ATP2A3: variants seen among roughly 807,000 people sequenced by gnomAD.
ATP2A3 encodes the protein ATPase sarcoplasmic/endoplasmic reticulum Ca2+ transporting 3, also known as sarcoplasmic/endoplasmic reticulum calcium ATPase 3.
A neutral mutation model predicts 106.8 loss-of-function variants in ATP2A3; 61 were observed. The ratio of observed to expected loss-of-function variants is 0.57; its 90% CI spans 0.46 to 0.71. The LOEUF (loss-of-function observed/expected upper bound fraction) is 0.71, where lower values mean the gene tolerates loss of function less well. ATP2A3 is among the 30% of genes least tolerant of loss of function. The probability of loss-of-function intolerance (pLI) is 0.00; values close to 1 mark genes in which losing one functional copy is unlikely to be tolerated. For synonymous variants in ATP2A3, 611 were observed against 609.3 expected (o/e 1.00, Z -0.04); for missense variants, 1,201 against 1,423.5 (o/e 0.84, Z 2.52).
At chr17:3,954,570 C>G (rs2054654720) in intron 1 of ATP2A3, among the ~76,000 whole-genome samples, 1 of 150,654 alleles carries the variant, frequency 6.6e-6, no homozygotes, top group African/African-American at 2.4e-5. Context: ...AATCTTGGCT[C>G]ACTGCAACCT....
In ATP2A3 at chr17:3,925,577, T is replaced by A; in HGVS notation, c.2981-136A>T. The A allele has an allele frequency of 8.9e-7, 1 of 1,122,876 alleles. No individual in the cohort carries two copies. Among genetic ancestry groups the A allele is most frequent in the Non-Finnish European group, 1.3e-6 (1 of 771,026 alleles). The allele number at this position is 1,122,876 out of a possible 1,614,324, so 69.6% of individuals were successfully genotyped here. A position where few individuals can be genotyped will look rare whatever the true frequency, so the allele number is the denominator to read the frequency against. On this transcript the variant is annotated intron_variant, in intron 20 of 20. Transcript: ENST00000397041. This position sits in a 1 kb window ranked among gnomAD's most constrained non-coding sequence, Gnocchi z 4.2. ...CCCAAGGCCTCCCTTAGTCCAGACC[T>A]CAGTCTACCCCAGCCCCACCGGACC...
Position 3,937,462 on chromosome 17 carries a change from G to C in ATP2A3, c.2275C>G (p.Gln759Glu), listed in dbSNP as rs2053517171. 2 of 1,612,794 alleles carry C rather than the reference G, an allele frequency of 1.2e-6. No individual in the cohort carries two copies. The highest frequency in any genetic ancestry group is 1.1e-5 in the South Asian group (1 of 90,934). ...GAGGAGATGAGGTAGCGGATGAATTGCTTCATGTTGCTGTAGATGGCCCGG... is the reference window on the plus strand; with the variant it reads ...GAGGAGATGAGGTAGCGGATGAATTCCTTCATGTTGCTGTAGATGGCCCGG... ...EGRAIYSNMK[Q>E]FIRYLISSNV... The change falls in exon 15 of 21, where the codon CAA (glutamine) becomes GAA (glutamate). Residue 759 changes from glutamine (Q) to glutamate (E), a missense_variant. This residue lies in a region of ATP2A3 where 935 missense variants were observed against 1,176.7 expected (regional missense o/e 0.79). Transcript: ENST00000397041.
chr17:3,953,336 G>A lies in ATP2A3; in HGVS notation c.219+11C>T. On this transcript the variant is annotated intron_variant, in intron 3 of 20. Coordinates refer to ENST00000397041, the MANE Select transcript of ATP2A3 (RefSeq NM_005173.4). The surrounding 1 kb of genome is among the most constrained non-coding windows in gnomAD (Gnocchi z 5.1). ...CGACTACCACAGGATGGCTGGCAGG[G>A]CCCTACTTACAAAGGAGACAAGGGC... The A allele has an allele frequency of 6.2e-7, 1 of 1,613,512 alleles. No individual in the cohort carries two copies. The highest frequency in any genetic ancestry group is 8.5e-7 in the Non-Finnish European group (1 of 1,179,678).
Position 3,941,051 on chromosome 17 carries a change from G to A in ATP2A3, c.2020C>T (p.Arg674Cys), listed in dbSNP as rs9895012. 0.024 allele frequency: 38,972 copies of A among 1,613,620 alleles called. 590 individuals are homozygous for A. Among genetic ancestry groups the A allele is most frequent in the Middle Eastern group, 0.032 (193 of 6,058 alleles). ...EQQRQACRTA[R>C]CFARVEPAHK... ...GCGGGCTCCACGCGGGCGAAGCAGC[G>A]GGCGGTGCGGCAGGCCTGGCGCTGC... The change falls in exon 14 of 21, where the codon CGC becomes TGC. Residue 674 changes from arginine (R) to cysteine (C), a missense_variant. Physicochemically the swap from Arg to Cys is radical, Grantham distance 180 (BLOSUM62 -3). Around this residue, in one of 2 missense-constraint regions of ATP2A3, gnomAD observed 935 missense variants for 1,176.7 expected, o/e 0.79. Coordinates refer to ENST00000397041, the MANE Select transcript of ATP2A3 (RefSeq NM_005173.4).
rs767278045 is a variant in ATP2A3, at chr17:3,935,249, G to A, written c.2553C>T (p.Ala851=). 12 of 1,613,636 alleles carry A rather than the reference G, an allele frequency of 7.4e-6. No homozygotes were observed. The highest frequency in any genetic ancestry group is 2.7e-5 in the African/African-American group (2 of 74,940). ...CGTCATACACAAACCACCAGGTGGCGGCAGCCACTGTGGCCAGGCCTACGT... is the reference window on the plus strand; with the variant it reads ...CGTCATACACAAACCACCAGGTGGCAGCAGCCACTGTGGCCAGGCCTACGT... The part of the protein sequence containing the change: ...GVYVGLATVA[A]ATWWFVYDAE... The change falls in exon 17 of 21, where the codon GCC becomes GCT. Residue 851 remains alanine (A), a synonymous_variant. Coordinates refer to ENST00000397041, the MANE Select transcript of ATP2A3 (RefSeq NM_005173.4).
Position 3,926,584 on chromosome 17 carries a change from T to A in ATP2A3, c.2981-1143A>T, listed in dbSNP as rs1221440606. 6.6e-6 allele frequency among the ~76,000 whole-genome samples: 1 copy of A among 151,988 alleles called. No homozygotes were observed. On this transcript the variant is annotated intron_variant, in intron 20 of 20. Transcript: ENST00000397041. The surrounding 1 kb of genome is among the most constrained non-coding windows in gnomAD (Gnocchi z 4.6). ...CTCACCCTCTCTTTTTGGGGGAGAG[T>A]GGGGGAACAGAGTTTTGCTCTGTCA...
chr17:3,951,163 ACT>A, intron 5 of ATP2A3, 86 bp downstream of exon 5: 1 of 1,111,898 alleles, frequency 9.0e-7, no homozygotes, highest in Non-Finnish European at 1.1e-6. Context: ...ACAGAGCACG[ACT>A]CCATCTCAAA....
Position 3,930,441 on chromosome 17 carries a change from G to T in ATP2A3, c.2611-7C>A. The T allele has an allele frequency of 6.2e-7, 1 of 1,613,696 alleles. No homozygotes were observed. The highest frequency in any genetic ancestry group is 8.5e-7 in the Non-Finnish European group (1 of 1,179,994). On this transcript the variant is annotated splice_region_variant and splice_polypyrimidine_tract_variant and intron_variant, in intron 17 of 20. Coordinates refer to ENST00000397041, the MANE Select transcript of ATP2A3 (RefSeq NM_005173.4). This position sits in a 1 kb window ranked among gnomAD's most constrained non-coding sequence, Gnocchi z 5.4. The stretch of plus-strand genomic sequence containing the variant: ...AGCACTTCAGGAAGTTCCTCTGGGG[G>T]CACCGTGGCAGGTCAGAGAGAGCGG...
intron 4 of ATP2A3, 35 bp downstream of exon 4, chr17:3,951,546 G>GCCCCCCCCCCCCGGCCCCCCCCCCAGCCC: frequency 7.6e-7 from 1 of 1,319,570 alleles, no homozygotes; most frequent in Non-Finnish European, 1.0e-6. Context: ...CTGGGAGACC[G>GCCCCCCCCCCCCGGCCCCCCCCCCAGCCC]CCCCCCGCCC....
In ATP2A3 at chr17:3,954,882, C is replaced by T. The variant is rs143940234; in HGVS notation, c.119-1172G>A. Among the ~76,000 whole-genome samples the T allele has an allele frequency of 3.5e-3, 539 of 152,316 alleles. 3 individuals are homozygous for T. Among genetic ancestry groups the T allele is most frequent in the Middle Eastern group, 0.014 (4 of 294 alleles). On this transcript the variant is annotated intron_variant, in intron 1 of 20. Transcript: ENST00000397041. ...GGGCCCCTGAAGTGGTTGAATCATT[C>T]CTACAGCCTAAAGGGCAGGCAGGTG...
intron 17 of ATP2A3, among the ~76,000 whole-genome samples, chr17:3,933,470 G>A (rs2053235104): frequency 1.3e-5 from 2 of 151,146 alleles, no homozygotes; most frequent in Non-Finnish European, 2.9e-5. Flanking sequence ...GGGTGCCGTG[G>A]CTCACGCCTG....
chr17:3,947,612 C>T lies in ATP2A3; in HGVS notation c.874G>A (p.Ala292Thr), dbSNP rs2054187711. ...PAHGGSWLRG[A>T]VYYFKIAVAL... ...ACGGCGATCTTGAAGTAGTAGACAG[C>T]GCCACGCAGCCAGGAGCCACCGTGG... Residue 292 changes from alanine to threonine, a missense_variant, in exon 8 of 21, where the codon GCT (alanine) becomes ACT (threonine). This residue lies in a region of ATP2A3 where 935 missense variants were observed against 1,176.7 expected (regional missense o/e 0.79). Coordinates refer to ENST00000397041, the MANE Select transcript of ATP2A3 (RefSeq NM_005173.4). The surrounding 1 kb of genome is among the most constrained non-coding windows in gnomAD (Gnocchi z 7.7). 4.3e-6 allele frequency: 7 copies of T among 1,612,438 alleles called. No homozygotes were observed. Among genetic ancestry groups the T allele is most frequent in the African/African-American group, 1.3e-5 (1 of 75,048 alleles).
At position 3,947,587 on chromosome 17, in the gene ATP2A3, A is replaced by C; in HGVS notation, c.899T>G (p.Val300Gly). ...RGAVYYFKIA[V>G]ALAVAAIPEG... Reference sequence around the variant, plus strand: ...GGGGATGGCCGCCACCGCCAGGGCCACGGCGATCTTGAAGTAGTAGACAGC... The same window carrying C: ...GGGGATGGCCGCCACCGCCAGGGCCCCGGCGATCTTGAAGTAGTAGACAGC... The change falls in exon 8 of 21, where the codon GTG becomes GGG. Residue 300 changes from valine (V) to glycine (G), a missense_variant. Coordinates refer to ENST00000397041, the MANE Select transcript of ATP2A3 (RefSeq NM_005173.4). The surrounding 1 kb of genome is among the most constrained non-coding windows in gnomAD (Gnocchi z 7.7). 6.2e-7 allele frequency: 1 copy of C among 1,612,742 alleles called. No individual in the cohort carries two copies.
At chr17:3,959,700 C>T (rs1041216871) in intron 1 of ATP2A3, among the ~76,000 whole-genome samples, 1 of 152,272 alleles carries the variant, frequency 6.6e-6, no homozygotes. Context: ...CAGGAAGAGG[C>T]CCTGGCTGGG....
intron 8 of ATP2A3, among the ~76,000 whole-genome samples, chr17:3,945,958 T>G (rs1285243511): frequency 6.6e-6 from 1 of 152,154 alleles, no homozygotes; most frequent in African/African-American, 2.4e-5. Flanking sequence ...TTAAAACTCT[T>G]TATTATTAGC....
rs555275612 is a variant in ATP2A3 at position 3,926,679 on chromosome 17, C to G, written c.2981-1238G>C. On this transcript the variant is annotated intron_variant, in intron 20 of 20. Coordinates refer to ENST00000397041, the MANE Select transcript of ATP2A3 (RefSeq NM_005173.4). The surrounding 1 kb of genome is among the most constrained non-coding windows in gnomAD (Gnocchi z 4.6). ...CCACCTCCCAGGTTCAAGTGATTCT[C>G]CTGCCTCAGCCTCCCGAGTAGCTGG... is the stretch of plus-strand genomic sequence containing the variant. Among the ~76,000 whole-genome samples, 1 of 152,342 alleles carries G rather than the reference C, an allele frequency of 6.6e-6. No homozygotes were observed. Among genetic ancestry groups the G allele is most frequent in the East Asian group, 1.9e-4 (1 of 5,186 alleles).
In ATP2A3 at chr17:3,943,420, G is replaced by A. The variant is rs769585834; in HGVS notation, c.1390C>T (p.Arg464Trp). Reference sequence around the variant, plus strand: ...TTACAGGCGCCAGCTCGCTCCACCCGGGACAGAGCCTGCAGGTCGGTGTCG... The same window carrying A: ...TTACAGGCGCCAGCTCGCTCCACCCAGGACAGAGCCTGCAGGTCGGTGTCG... ...VFDTDLQALS[R>W]VERAGACNTV... is the part of the protein sequence containing the mutation. Residue 464 changes from arginine (R) to tryptophan (W), a missense_variant, in exon 11 of 21, where the codon CGG becomes TGG. Around this residue, in one of 2 missense-constraint regions of ATP2A3, gnomAD observed 935 missense variants for 1,176.7 expected, o/e 0.79. Transcript: ENST00000397041. 9.3e-6 allele frequency: 15 copies of A among 1,613,928 alleles called. No individual in the cohort carries two copies. The Admixed American group carries it at 1.3e-4, about 14-fold the overall frequency.
chr17:3,942,779 C>A, intron 11 of ATP2A3, 48 bp from the exon 12 acceptor site: 1 of 1,605,278 alleles, frequency 6.2e-7, no homozygotes, highest in South Asian at 1.1e-5. Flanking sequence ...GCCAGCAACT[C>A]TCGCCTGCCT....
rs139716838 is a variant in ATP2A3 at position 3,938,231 on chromosome 17, C to G, written c.2101-595G>C. Among the ~76,000 whole-genome samples, 438 of 152,240 alleles carry G rather than the reference C, an allele frequency of 2.9e-3. 2 individuals are homozygous for G. Among genetic ancestry groups the G allele is most frequent in the African/African-American group, 9.0e-3 (376 of 41,562 alleles). On this transcript the variant is annotated intron_variant, in intron 14 of 20. Coordinates refer to ENST00000397041, the MANE Select transcript of ATP2A3 (RefSeq NM_005173.4). Reference sequence around the variant, plus strand: ...GGTGGATGACCTGAGGTCAGGAGTTCAAGACCAGCCTGGGCAACATGATGA... The same window carrying G: ...GGTGGATGACCTGAGGTCAGGAGTTGAAGACCAGCCTGGGCAACATGATGA...
Sources: allele counts gnomAD v4.1 joint callset (sites outside exome capture counted in the v4.1 genomes callset), GRCh38; gene constraint gnomAD v4.1.1; regional missense constraint gnomAD v4.1.1; non-coding constraint Gnocchi (gnomAD v3.1); transcripts MANE v1.5; gene names NCBI Gene and HGNC (gene_info 2026-07-23, HGNC 2026-07-21).